Variants in MPV17 observed in about 807,000 individuals in gnomAD.
MPV17 encodes mitochondrial inner membrane protein MPV17, also known as MPV17, mitochondrial inner membrane protein.
A neutral mutation model predicts 28.6 loss-of-function variants in MPV17; 31 were observed. The ratio of observed to expected loss-of-function variants is 1.08; its 90% confidence interval spans 0.81 to 1.46. The LOEUF (loss-of-function observed/expected upper bound fraction) is 1.46, where lower values mean the gene tolerates loss of function less well. Among genes scored for constraint, MPV17 ranks in the 40% most tolerant of loss-of-function variants. The pLI is 0.00. For missense variants in MPV17, 198 were observed against 216.2 expected, an observed-to-expected ratio of 0.92 and a Z score of 0.53; for synonymous variants, 87 against 85.3, an observed-to-expected ratio of 1.02 and a Z score of -0.11.
At chr2:27,313,420 C>T (rs1355099206) in intron 2 of MPV17, 1 of 592,520 alleles carries the variant, frequency 1.7e-6, no homozygotes, top group East Asian at 2.8e-5. Flanking sequence ...GGCCACAGGG[C>T]TGAGAACCAC....
chr2:27,318,361 C>T (rs1230405011), intron 2 of MPV17, among the ~76,000 whole-genome samples: 2 of 149,248 alleles, frequency 1.3e-5, no homozygotes, highest in South Asian at 2.1e-4. Flanking sequence ...GCACTGCGCC[C>T]GGCCTTTTTT....
intron 2 of MPV17, among the ~76,000 whole-genome samples, chr2:27,321,173 C>T (rs1018599482): frequency 2.6e-5 from 4 of 152,260 alleles, no homozygotes; most frequent in Admixed American, 2.6e-4. Flanking sequence ...GGGGAATCTT[C>T]CATCTGGCAG....
intron 2 of MPV17, among the ~76,000 whole-genome samples, chr2:27,315,375 G>A (rs1182968521): frequency 2.0e-5 from 3 of 152,224 alleles, no homozygotes; most frequent in African/African-American, 7.2e-5. Flanking sequence ...CAGCCCTGCA[G>A]AAAGGGAAGA....
intron 2 of MPV17, among the ~76,000 whole-genome samples, chr2:27,315,456 T>C (rs1679614584): frequency 6.6e-6 from 1 of 152,234 alleles, no homozygotes; most frequent in South Asian, 2.1e-4. Context: ...GGACCAACAG[T>C]GTAACGGTCT....
At position 27,309,850 on chromosome 2, in the gene MPV17, G is replaced by T; in HGVS notation, c.*62C>A. ...CTGGTATGCCCACTTTGAGGAGGTT[G>T]TCTGACCGTTCCAGGGTCAAGCTGC... On this transcript the variant is annotated 3_prime_UTR_variant, in exon 8 of 8. Coordinates refer to ENST00000380044, the MANE Select transcript of MPV17 (RefSeq NM_002437.5). 7.0e-7 allele frequency: 1 copy of T among 1,436,586 alleles called. No homozygotes were observed. The highest frequency in any genetic ancestry group is 1.2e-5 in the South Asian group (1 of 86,560). 89.0% of individuals were successfully genotyped at this position (1,436,586 alleles called of 1,614,324 possible). A position where few individuals can be genotyped will look rare whatever the true frequency, so the allele number is the denominator to read the frequency against.
intron 7 of MPV17, chr2:27,310,937 G>A (rs1466515255): frequency 6.7e-6 from 1 of 149,918 alleles, no homozygotes; most frequent in Non-Finnish European, 1.5e-5. Flanking sequence ...TAGAGACAGG[G>A]TTTCAACATA....
At chr2:27,312,944 A>C in intron 3 of MPV17, 50 bp downstream of exon 3, 1 of 1,603,364 alleles carries the variant, frequency 6.2e-7, no homozygotes, top group Non-Finnish European at 8.5e-7. Flanking sequence ...ATGGCAAAGA[A>C]CTAAGACCAC....
chr2:27,311,303 C>T, intron 7 of MPV17: 1 of 411,170 alleles, frequency 2.4e-6, no homozygotes, highest in Non-Finnish European at 4.5e-6. Context: ...TCAAGCAAAC[C>T]TCTTGCCTCA....
At position 27,317,305 on chromosome 2, in the gene MPV17, A is replaced by C. The variant is rs1679692410; in HGVS notation, c.71-4196T>G. The C allele has an allele frequency of 7.5e-7, 1 of 1,328,584 alleles. No individual in the cohort carries two copies. The highest frequency in any genetic ancestry group is 1.0e-6 in the Non-Finnish European group (1 of 995,684). 82.3% of individuals were successfully genotyped at this position (1,328,584 alleles called of 1,614,324 possible). On this transcript the variant is annotated intron_variant, in intron 2 of 7. Transcript: ENST00000380044. This position sits in a 1 kb window ranked among gnomAD's most constrained non-coding sequence, Gnocchi z 4.0. ...CAGAGCCCAGAGGGAGTGGAAGCCC[A>C]GCAGCGGGAGGGGAGTGGATCCTCT... is the stretch of plus-strand genomic sequence containing the variant.
intron 2 of MPV17, among the ~76,000 whole-genome samples, chr2:27,316,406 G>A (rs1023749842): frequency 2.0e-5 from 3 of 152,194 alleles, no homozygotes; most frequent in Admixed American, 2.0e-4. Context: ...GTAGGGGTGA[G>A]TAGGTGGTAT....
At chr2:27,315,884 T>C in intron 2 of MPV17, 1 of 1,417,076 alleles carries the variant, frequency 7.1e-7, no homozygotes, top group Non-Finnish European at 9.2e-7. Flanking sequence ...TAATGATGAG[T>C]CTTTGAGAGA....
chr2:27,319,104 G>C (rs1308334561), intron 2 of MPV17, among the ~76,000 whole-genome samples: 1 of 152,080 alleles, frequency 6.6e-6, no homozygotes, highest in African/African-American at 2.4e-5. Flanking sequence ...AGTTCCAAGG[G>C]ACTGAGCAAC....
At chr2:27,312,630 C>T (rs1362909194) in intron 4 of MPV17, 41 bp from the exon 5 acceptor site, 2 of 1,613,134 alleles carry the variant, frequency 1.2e-6, no homozygotes, top group Admixed American at 3.3e-5. Flanking sequence ...GCTGAAATCC[C>T]CACCTACCCC....
intron 2 of MPV17, chr2:27,313,504 T>C (rs2148216826): frequency 2.3e-6 from 1 of 443,104 alleles, no homozygotes; most frequent in Non-Finnish European, 4.1e-6. Flanking sequence ...GGAAATGAAG[T>C]CCAGGGTCTC....
chr2:27,315,027 G>A (rs867975870), intron 2 of MPV17, among the ~76,000 whole-genome samples: 26 of 152,180 alleles, frequency 1.7e-4, no homozygotes, highest in African/African-American at 3.9e-4. Flanking sequence ...GTCCTGCCTC[G>A]TCTCTCCCTG....
At position 27,317,805 on chromosome 2, in the gene MPV17, A is replaced by G. The variant is rs1679711589; in HGVS notation, c.70+4643T>C. Among the ~76,000 whole-genome samples, 1 of 152,238 alleles carries G rather than the reference A, an allele frequency of 6.6e-6. No individual in the cohort carries two copies. The highest frequency in any genetic ancestry group is 2.4e-5 in the African/African-American group (1 of 41,468). ...GGGATAAGGCTGACTCACACTCCAT[A>G]GAACATACAGTAAACCTTTCCCCAG... On this transcript the variant is annotated intron_variant, in intron 2 of 7. Coordinates refer to ENST00000380044, the MANE Select transcript of MPV17 (RefSeq NM_002437.5). This position sits in a 1 kb window ranked among gnomAD's most constrained non-coding sequence, Gnocchi z 4.0.
chr2:27,311,765 T>G, intron 7 of MPV17, 134 bp downstream of exon 7: 1 of 1,559,584 alleles, frequency 6.4e-7, no homozygotes, highest in Non-Finnish European at 8.7e-7. Flanking sequence ...CTTGGGAATC[T>G]GAGGAACTCT....
intron 2 of MPV17, among the ~76,000 whole-genome samples, chr2:27,319,771 A>T (rs1021753538): frequency 6.6e-6 from 1 of 151,260 alleles, no homozygotes; most frequent in African/African-American, 2.4e-5. Flanking sequence ...CTAAAAATAC[A>T]AAAAAGTAGC....
At chr2:27,322,635 TA>T in intron 1 of MPV17, 113 bp from the exon 2 acceptor site, 1 of 850,680 alleles carries the variant, frequency 1.2e-6, no homozygotes. Flanking sequence ...CAATGTGACT[TA>T]AAGGGGCAGA....
Sources: gnomAD v4.1 joint callset for allele counts (sites outside exome capture counted in the v4.1 genomes callset) on GRCh38, gnomAD v4.1.1 for gene constraint, Gnocchi (gnomAD v3.1) non-coding constraint, MANE v1.5 for transcripts, NCBI Gene and HGNC (gene_info 2026-07-23, HGNC 2026-07-21) for gene names.